The following NT5E variants were observed in gnomAD, a reference collection of about 807,000 sequenced individuals.
NT5E encodes 5'-nucleotidase ecto, also known as 5'-nucleotidase.
NT5E carries 53 observed loss-of-function variants against 55.1 expected under a neutral mutation model. That is an observed-to-expected ratio of 0.96 (90% CI 0.77 to 1.21). The LOEUF (loss-of-function observed/expected upper bound fraction) is 1.21. NT5E is among the 50% of genes most tolerant of loss of function. The pLI is 0.00. For missense variants in NT5E, 683 were observed against 724.3 expected (o/e 0.94, Z 0.65); for synonymous variants, 270 against 278.4 (o/e 0.97, Z 0.30).
intron 1 of NT5E, among the ~76,000 whole-genome samples, chr6:85,463,251 T>C (rs759532700): frequency 2.0e-5 from 3 of 152,162 alleles, no homozygotes; most frequent in African/African-American, 4.8e-5. Context: ...TTTGGTGAAG[T>C]TTAGTGTTTT....
chr6:85,471,336 C>A lies in NT5E; in HGVS notation c.662C>A (p.Ser221Ter), dbSNP rs373328681. 63 of 1,612,910 alleles carry A rather than the reference C, an allele frequency of 3.9e-5. No homozygotes were observed. Among genetic ancestry groups the A allele is most frequent in the African/African-American group, 2.3e-4 (17 of 74,876 alleles). ...NVNKIIALGH[S>*]GFEMDKLIAQ... is the part of the protein sequence containing the mutation. ...AACAAAATTATTGCACTGGGACATT[C>A]GGGTTTTGAAATGGATAAACTCATC... The change falls in exon 3 of 9, where the codon TCG (serine) becomes TAG (stop). Residue 221 changes from serine to a stop codon, truncating the protein, a stop_gained. Transcript: ENST00000257770. LOFTEE classifies it high-confidence loss of function.
intron 1 of NT5E, among the ~76,000 whole-genome samples, chr6:85,451,342 C>T (rs1340008452): frequency 6.6e-6 from 1 of 152,022 alleles, no homozygotes; most frequent in Non-Finnish European, 1.5e-5. Context: ...AGGAAGAGTC[C>T]AACTTAAGAG....
intron 2 of NT5E, among the ~76,000 whole-genome samples, chr6:85,468,190 A>C (rs1412333042): frequency 6.6e-6 from 1 of 152,238 alleles, no homozygotes; most frequent in African/African-American, 2.4e-5. Flanking sequence ...TGTTGTTGTT[A>C]TAAAATAAAT....
At position 85,474,294 on chromosome 6, in the gene NT5E, A is replaced by G. The variant is rs75922378; in HGVS notation, c.751+2869A>G. On this transcript the variant is annotated intron_variant, in intron 3 of 8. Transcript: ENST00000257770. ...CAAAGACAAGAAAAAATATATGTTCAGTACAGATAAAACCATCCTTTTTTA... is the reference window on the plus strand; with the variant it reads ...CAAAGACAAGAAAAAATATATGTTCGGTACAGATAAAACCATCCTTTTTTA... Among the ~76,000 whole-genome samples the G allele has an allele frequency of 6.7e-3, 1,022 of 152,340 alleles. 9 individuals are homozygous for G. Among genetic ancestry groups the G allele is most frequent in the African/African-American group, 0.024 (982 of 41,574 alleles).
chr6:85,478,864 A>C (rs1469465462), intron 3 of NT5E, among the ~76,000 whole-genome samples: 1 of 151,938 alleles, frequency 6.6e-6, no homozygotes, highest in Non-Finnish European at 1.5e-5. Flanking sequence ...AGAGAGAGAG[A>C]GCTAGAGAAA....
chr6:85,467,700 T>C (rs1769222337), intron 2 of NT5E, among the ~76,000 whole-genome samples: 1 of 152,212 alleles, frequency 6.6e-6, no homozygotes, highest in Admixed American at 6.5e-5. Context: ...GATTATTACA[T>C]GTCCAGCTAA....
chr6:85,485,181 C>T, intron 3 of NT5E, 54 bp from the exon 4 acceptor site: 1 of 1,563,904 alleles, frequency 6.4e-7, no homozygotes, highest in South Asian at 1.1e-5. Flanking sequence ...TGGCCTACAG[C>T]CAGCCATGTA....
At chr6:85,471,187 T>C (rs1769296012) in intron 2 of NT5E, 50 bp from the exon 3 acceptor site, 2 of 1,267,790 alleles carry the variant, frequency 1.6e-6, no homozygotes, top group South Asian at 2.8e-5. Context: ...TATTAAGTAA[T>C]ATAATAAAAA....
chr6:85,490,285 T>C (rs1186680982), intron 6 of NT5E, among the ~76,000 whole-genome samples: 1 of 152,168 alleles, frequency 6.6e-6, no homozygotes, highest in Non-Finnish European at 1.5e-5. Flanking sequence ...GCACAGCCAT[T>C]TGTGAGCTCC....
At position 85,492,068 on chromosome 6, in the gene NT5E, T is replaced by C; in HGVS notation, c.1452T>C (p.Tyr484=). The C allele has an allele frequency of 5.6e-6, 9 of 1,614,220 alleles. No homozygotes were observed. Among genetic ancestry groups the C allele is most frequent in the South Asian group, 1.1e-5 (1 of 91,092 alleles). Residue 484 remains tyrosine (Y), a synonymous_variant, in exon 8 of 9, where the codon TAT becomes TAC. Coordinates refer to ENST00000257770, the MANE Select transcript of NT5E (RefSeq NM_002526.4). ...VLCTKCRVPS[Y]DPLKMDEVYK... is the part of the protein sequence containing the mutation. ...GCACCAAGTGTCGAGTGCCCAGTTA[T>C]GACCCTCTCAAAATGGACGAGGTAT... is the stretch of plus-strand genomic sequence containing the variant.
At position 85,485,240 on chromosome 6, in the gene NT5E, C is replaced by A; in HGVS notation, c.757C>A (p.Pro253Thr). The A allele has an allele frequency of 6.2e-7, 1 of 1,614,122 alleles. No homozygotes were observed. The part of the protein sequence containing the change: ...HSNTFLYTGN[P>T]PSKEVPAGKY... ...CTGTGGCTCTTTTATTTCAGGCAAT[C>A]CACCTTCCAAAGAGGTGCCTGCTGG... The change falls in exon 4 of 9, where the codon CCA (proline) becomes ACA (threonine). Residue 253 changes from proline (P) to threonine (T), a missense_variant. Pro to Thr is a conservative substitution (Grantham distance 38, BLOSUM62 -1). Coordinates refer to ENST00000257770, the MANE Select transcript of NT5E (RefSeq NM_002526.4).
chr6:85,454,255 C>T (rs1297588739), intron 1 of NT5E, among the ~76,000 whole-genome samples: 1 of 152,234 alleles, frequency 6.6e-6, no homozygotes, highest in East Asian at 1.9e-4. Context: ...TTGAGTACTA[C>T]AAGACTGGTT....
intron 6 of NT5E, 60 bp from the exon 7 acceptor site, chr6:85,490,448 C>A: frequency 6.3e-7 from 1 of 1,596,982 alleles, no homozygotes; most frequent in South Asian, 1.1e-5. Flanking sequence ...GGAAACTGGT[C>A]ATGGTGTAAG....
At chr6:85,488,370 C>T (rs1769710278) in intron 5 of NT5E, among the ~76,000 whole-genome samples, 1 of 152,294 alleles carries the variant, frequency 6.6e-6, no homozygotes, top group Non-Finnish European at 1.5e-5. Context: ...TAAATGACAA[C>T]AATCATGCTC....
rs1769299808 is a variant in NT5E at position 85,471,253 on chromosome 6, T to G, written c.579T>G (p.Phe193Leu). ...GTTCCTTAGGGACAAATTTAGTGTT[T>G]GAAGATGAAATCACTGCATTACAAC... ...FLSNPGTNLVFEDEITALQPE... is the reference protein window; with the variant it reads ...FLSNPGTNLVLEDEITALQPE... The change falls in exon 3 of 9, where the codon TTT (phenylalanine) becomes TTG (leucine). Residue 193 changes from phenylalanine (F) to leucine (L), a missense_variant. Coordinates refer to ENST00000257770, the MANE Select transcript of NT5E (RefSeq NM_002526.4). 1 of 1,607,718 alleles carries G rather than the reference T, an allele frequency of 6.2e-7. No homozygotes were observed. The highest frequency in any genetic ancestry group is 1.3e-5 in the African/African-American group (1 of 74,880).
intron 3 of NT5E, among the ~76,000 whole-genome samples, chr6:85,480,061 G>T (rs1338204802): frequency 2.6e-5 from 4 of 152,190 alleles, no homozygotes; most frequent in Admixed American, 6.5e-5. Context: ...GCCTGGTCTT[G>T]CTAGGTGGTG....
At chr6:85,459,051 A>T (rs1026830848) in intron 1 of NT5E, among the ~76,000 whole-genome samples, 2 of 152,216 alleles carry the variant, frequency 1.3e-5, no homozygotes, top group Non-Finnish European at 2.9e-5. Context: ...AAACAAATGT[A>T]ATTTGTAATC....
intron 7 of NT5E, among the ~76,000 whole-genome samples, chr6:85,491,508 G>C (rs960227159): frequency 1.3e-5 from 2 of 152,240 alleles, no homozygotes; most frequent in African/African-American, 4.8e-5. Flanking sequence ...CCAGAAGGGA[G>C]TTGAGGGAAA....
intron 4 of NT5E, 64 bp from the exon 5 acceptor site, chr6:85,487,271 C>T (rs1422074298): frequency 2.9e-6 from 4 of 1,368,190 alleles, no homozygotes; most frequent in African/African-American, 2.9e-5. Flanking sequence ...ATGTTTCATT[C>T]CTTTTCCAGA....
Sources: allele counts gnomAD v4.1 joint callset (sites outside exome capture counted in the v4.1 genomes callset), GRCh38; gene constraint gnomAD v4.1.1; transcripts MANE v1.5; gene names NCBI Gene and HGNC (gene_info 2026-07-23, HGNC 2026-07-21).